VSNL1: variants seen among roughly 807,000 people sequenced by gnomAD.
VSNL1 encodes visinin like 1.
A neutral mutation model predicts 20.4 loss-of-function variants in VSNL1; 6 were observed. The ratio of observed to expected loss-of-function variants is 0.29; its 90% CI spans 0.16 to 0.58. The LOEUF is 0.58. Ranked by LOEUF, VSNL1 falls within the 20% of genes least tolerant of loss-of-function variation. The pLI, the probability that VSNL1 is intolerant of heterozygous loss-of-function variation, is 0.90. For missense variants in VSNL1, 100 were observed against 234.5 expected (o/e 0.43, Z 3.75); for synonymous variants, 93 against 86.4 (o/e 1.08, Z -0.42).
At chr2:17,603,624 G>GT (rs1313532538) in intron 2 of VSNL1, among the ~76,000 whole-genome samples, 1 of 152,118 alleles carries the variant, frequency 6.6e-6, no homozygotes. Flanking sequence ...GAAGATATGG[G>GT]TAGAGCCAGG....
intron 2 of VSNL1, among the ~76,000 whole-genome samples, chr2:17,598,738 A>C (rs113817048): frequency 1.3e-3 from 200 of 152,326 alleles, no homozygotes; most frequent in African/African-American, 4.6e-3. Context: ...AGTCACTAAA[A>C]GTGTTTCTAA....
Position 17,622,531 on chromosome 2 carries a change from GAAAAGAAAGAAAGAAAGAAA to G in VSNL1, c.163-26878_163-26859del, listed in dbSNP as rs1665390075. Among the ~76,000 whole-genome samples, 15 of 65,648 alleles carry G rather than the reference GAAAAGAAAGAAAGAAAGAAA, an allele frequency of 2.3e-4. No homozygotes were observed. The South Asian group carries it at 3.7e-3, about 16-fold the overall frequency. 43.1% of individuals were successfully genotyped at this position (65,648 alleles called of 152,430 possible). The stretch of plus-strand genomic sequence containing the variant: ...AAAAGAAAGAAAGAAAAGAAAGAAA[GAAAAGAAAGAAAGAAAGAAA>G]GAAAGAAAGAAAGAAAGAAAGAAAG... On this transcript the variant is annotated intron_variant, in intron 2 of 3. Coordinates refer to ENST00000295156, the MANE Select transcript of VSNL1 (RefSeq NM_003385.5).
intron 2 of VSNL1, among the ~76,000 whole-genome samples, chr2:17,599,511 A>T (rs1392222559): frequency 6.6e-6 from 1 of 152,242 alleles, no homozygotes; most frequent in East Asian, 1.9e-4. Context: ...CCTTGCTGAG[A>T]TCAACAACCT....
Position 17,634,228 on chromosome 2 carries a change from G to T in VSNL1, c.163-15182G>T, listed in dbSNP as rs1196455835. 6.6e-6 allele frequency among the ~76,000 whole-genome samples: 1 copy of T among 152,168 alleles called. No individual in the cohort carries two copies. Among genetic ancestry groups the T allele is most frequent in the African/African-American group, 2.4e-5 (1 of 41,448 alleles). ...GTGCAGGCGAGAATCAGGGCTGGCAGGTGCCCAGGGCCCTGTGCTCAGAAG... is the reference window on the plus strand; with the variant it reads ...GTGCAGGCGAGAATCAGGGCTGGCATGTGCCCAGGGCCCTGTGCTCAGAAG... On this transcript the variant is annotated intron_variant, in intron 2 of 3. Transcript: ENST00000295156. This position sits in a 1 kb window ranked among gnomAD's most constrained non-coding sequence, Gnocchi z 4.3.
intron 1 of VSNL1, among the ~76,000 whole-genome samples, chr2:17,579,350 C>T (rs1352096613): frequency 6.6e-5 from 10 of 152,048 alleles, no homozygotes; most frequent in African/African-American, 1.9e-4. Context: ...CTCCTGACCT[C>T]GTGATCCGCC....
chr2:17,580,837 G>A (rs1664334355), intron 1 of VSNL1, among the ~76,000 whole-genome samples: 1 of 152,144 alleles, frequency 6.6e-6, no homozygotes, highest in Non-Finnish European at 1.5e-5. Context: ...GCATTTATTT[G>A]TTTGCTGAAA....
In VSNL1 at chr2:17,551,364, A is replaced by T. The variant is rs572475893; in HGVS notation, c.-6+10446A>T. Among the ~76,000 whole-genome samples the T allele has an allele frequency of 3.3e-5, 5 of 152,328 alleles. No individual in the cohort carries two copies. In the East Asian group the frequency reaches 9.7e-4, roughly 29 times the overall value. On this transcript the variant is annotated intron_variant, in intron 1 of 3. Transcript: ENST00000295156. ...TGGTATAGTGGAAATTTATATTTAA[A>T]TTAGACTAAACTTTTTAATATCTAG...
At position 17,621,467 on chromosome 2, in the gene VSNL1, C is replaced by T. The variant is rs189520509; in HGVS notation, c.163-27943C>T. ...CCTCCCGAGTAGCTGGGTCTACAGG[C>T]GCACAACACCACACCCAGATAATTT... On this transcript the variant is annotated intron_variant, in intron 2 of 3. Transcript: ENST00000295156. Among the ~76,000 whole-genome samples, 236 of 152,090 alleles carry T rather than the reference C, an allele frequency of 1.6e-3. 2 individuals are homozygous for T. The highest frequency in any genetic ancestry group is 0.014 in the Middle Eastern group (4 of 294).
At chr2:17,652,741 G>C (rs1296023420) in intron 3 of VSNL1, among the ~76,000 whole-genome samples, 1 of 152,210 alleles carries the variant, frequency 6.6e-6, no homozygotes, top group Non-Finnish European at 1.5e-5. Flanking sequence ...TATCCTCTGT[G>C]TGCAGCCTAG....
chr2:17,598,537 G>T (rs1421436156), intron 2 of VSNL1, among the ~76,000 whole-genome samples: 1 of 152,206 alleles, frequency 6.6e-6, no homozygotes, highest in Non-Finnish European at 1.5e-5. Context: ...CTGCCAGGTG[G>T]TTCTAAAGGA....
At chr2:17,558,934 T>G (rs1000283020) in intron 1 of VSNL1, among the ~76,000 whole-genome samples, 12 of 152,114 alleles carry the variant, frequency 7.9e-5, no homozygotes, top group Non-Finnish European at 1.3e-4. Flanking sequence ...AGAGAGAAAT[T>G]TATTTCTCAC....
At chr2:17,596,542 G>A (rs1178465444) in intron 2 of VSNL1, among the ~76,000 whole-genome samples, 1 of 152,072 alleles carries the variant, frequency 6.6e-6, no homozygotes, top group Non-Finnish European at 1.5e-5. Context: ...CCTCTACCTT[G>A]GAGAGTTGGT....
chr2:17,602,430 G>A (rs953640083), intron 2 of VSNL1, among the ~76,000 whole-genome samples: 7 of 152,102 alleles, frequency 4.6e-5, no homozygotes, highest in African/African-American at 7.2e-5. Context: ...GCTATTTTAC[G>A]ACCAACTTTC....
chr2:17,630,970 C>T (rs965085464), intron 2 of VSNL1, among the ~76,000 whole-genome samples: 102 of 152,196 alleles, frequency 6.7e-4, no homozygotes, highest in African/African-American at 1.7e-3. Context: ...TTAGTAGAAA[C>T]GGAGTTTCAC....
chr2:17,562,568 C>A (rs974815431), intron 1 of VSNL1, among the ~76,000 whole-genome samples: 2 of 152,068 alleles, frequency 1.3e-5, no homozygotes, highest in African/African-American at 4.8e-5. Context: ...CTTTCTGCTC[C>A]CCTATAAGTA....
At chr2:17,549,119 C>T (rs1395452680) in intron 1 of VSNL1, among the ~76,000 whole-genome samples, 1 of 152,160 alleles carries the variant, frequency 6.6e-6, no homozygotes, top group Non-Finnish European at 1.5e-5. Context: ...ACGCCTATGC[C>T]TCAACTCTTA....
intron 1 of VSNL1, among the ~76,000 whole-genome samples, chr2:17,543,710 G>C (rs958651594): frequency 2.0e-5 from 3 of 152,158 alleles, no homozygotes; most frequent in African/African-American, 7.2e-5. Flanking sequence ...CATTTGCATA[G>C]CTTTTCCTCA....
At chr2:17,588,601 T>TA (rs1558291335) in intron 1 of VSNL1, among the ~76,000 whole-genome samples, 1 of 152,236 alleles carries the variant, frequency 6.6e-6, no homozygotes, top group Non-Finnish European at 1.5e-5. Flanking sequence ...AGAGTATTAA[T>TA]CTAACTACAC....
intron 2 of VSNL1, among the ~76,000 whole-genome samples, chr2:17,643,054 A>G (rs1391329175): frequency 1.3e-5 from 2 of 152,064 alleles, no homozygotes; most frequent in South Asian, 4.1e-4. Flanking sequence ...GAGAGCCTAC[A>G]TGTGGAAGGA....
Sources: allele counts gnomAD v4.1 joint callset (sites outside exome capture counted in the v4.1 genomes callset), GRCh38; gene constraint gnomAD v4.1.1; non-coding constraint Gnocchi (gnomAD v3.1); transcripts MANE v1.5; gene names NCBI Gene and HGNC (gene_info 2026-07-23, HGNC 2026-07-21).